Variants in KDM5B observed in about 807,000 individuals in gnomAD.
The protein encoded by KDM5B is lysine-specific demethylase 5B.
Under a neutral mutation model 193.4 loss-of-function variants are expected in KDM5B, and 144 were observed. The observed-to-expected ratio is 0.74, with a 90% confidence interval of 0.65 to 0.86. KDM5B has a LOEUF of 0.86. KDM5B is among the 40% of genes least tolerant of loss of function. KDM5B has a pLI of 0.00. For synonymous variants in KDM5B, 668 were observed against 682.6 expected, an observed-to-expected ratio of 0.98 and a Z score of 0.33; for missense variants, 1,833 against 1,886.9, an observed-to-expected ratio of 0.97 and a Z score of 0.53.
At chr1:202,760,240 A>C (rs1656194243) in intron 8 of KDM5B, among the ~76,000 whole-genome samples, 175 bp downstream of exon 8, 1 of 152,056 alleles carries the variant, frequency 6.6e-6, no homozygotes, top group South Asian at 2.1e-4. Flanking sequence ...TGCTTGAGCC[A>C]GGGAGGTTGA....
chr1:202,728,324 GAGA>G lies in KDM5B; in HGVS notation c.*709_*711del, dbSNP rs1349878074. On this transcript the variant is annotated 3_prime_UTR_variant, in exon 27 of 27. Coordinates refer to ENST00000367265, the MANE Select transcript of KDM5B (RefSeq NM_006618.5). ...AATACAGCTGTGGCAATTACTTACAGAGAAGTCTCTTTTCTACATCACTAGTTC... is the reference window on the plus strand; with the variant it reads ...AATACAGCTGTGGCAATTACTTACAGAGTCTCTTTTCTACATCACTAGTTC... 30 of 152,682 alleles carry G rather than the reference GAGA, an allele frequency of 2.0e-4. No homozygotes were observed. Among genetic ancestry groups the G allele is most frequent in the African/African-American group, 7.0e-4 (29 of 41,464 alleles). 9.5% of individuals were successfully genotyped at this position (152,682 alleles called of 1,614,324 possible).
chr1:202,778,220 C>G (rs1185693659), intron 1 of KDM5B, among the ~76,000 whole-genome samples: 1 of 151,958 alleles, frequency 6.6e-6, no homozygotes, highest in Non-Finnish European at 1.5e-5. Flanking sequence ...GTATAGACAA[C>G]TGTTCTCTAG....
intron 1 of KDM5B, among the ~76,000 whole-genome samples, chr1:202,792,236 G>A (rs1286289509): frequency 6.7e-6 from 1 of 150,260 alleles, no homozygotes; most frequent in African/African-American, 2.4e-5. Context: ...AGGGATTTTG[G>A]TGTTTAGATT....
At chr1:202,757,700 A>G (rs1360518675) in intron 9 of KDM5B, among the ~76,000 whole-genome samples, 1 of 152,222 alleles carries the variant, frequency 6.6e-6, no homozygotes, top group Admixed American at 6.5e-5. Context: ...ATTCACTCAT[A>G]TATTGCTGGG....
chr1:202,780,647 A>G (rs1189932488), intron 1 of KDM5B, among the ~76,000 whole-genome samples: 1 of 152,220 alleles, frequency 6.6e-6, no homozygotes, highest in Non-Finnish European at 1.5e-5. Flanking sequence ...TCTACAACCA[A>G]CAATAAAATA....
rs1141108 is a variant in KDM5B at position 202,746,156 on chromosome 1, G to A, written c.2184C>T (p.Tyr728=). ...HVKELCSCPP[Y]KYKLRYRYTL... ...TTCCTACTTACCGCAATTTATATTT[G>A]TAAGGAGGACAGGAACACAATTCTT... is the stretch of plus-strand genomic sequence containing the variant. Residue 728 remains tyrosine (Y), a synonymous_variant, in exon 15 of 27, where the codon TAC becomes TAT. Coordinates refer to ENST00000367265, the MANE Select transcript of KDM5B (RefSeq NM_006618.5). 1,216,141 of 1,606,888 alleles carry A rather than the reference G, an allele frequency of 0.76. 467,241 individuals carry two copies. Among genetic ancestry groups the A allele is most frequent in the Admixed American group, 0.84 (48,683 of 57,906 alleles).
chr1:202,797,463 A>G (rs796478084), intron 1 of KDM5B, among the ~76,000 whole-genome samples: 17 of 152,312 alleles, frequency 1.1e-4, no homozygotes, highest in African/African-American at 4.1e-4. Context: ...CCTTAAGTCT[A>G]AATATAATTA....
intron 1 of KDM5B, among the ~76,000 whole-genome samples, chr1:202,778,677 C>T (rs12123822): frequency 0.61 from 93,175 of 152,056 alleles, 31,455 homozygotes; most frequent in Middle Eastern, 0.77. Flanking sequence ...GGCTGGAGTA[C>T]AATGACGTGA....
intron 13 of KDM5B, 91 bp from the exon 14 acceptor site, chr1:202,749,230 CACACTATGGGTCTTA>C (rs1461448912): frequency 4.3e-6 from 5 of 1,149,906 alleles, no homozygotes; most frequent in Non-Finnish European, 3.7e-6. Context: ...TACCAAACAT[CACACTATGGGTCTTA>C]ACACGTATCA....
chr1:202,797,608 C>T (rs375370737), intron 1 of KDM5B, among the ~76,000 whole-genome samples: 1 of 152,122 alleles, frequency 6.6e-6, no homozygotes, highest in African/African-American at 2.4e-5. Context: ...AGGATAATTG[C>T]AAAATTACTA....
chr1:202,747,490 T>G (rs545370777), intron 14 of KDM5B, among the ~76,000 whole-genome samples: 3 of 151,218 alleles, frequency 2.0e-5, no homozygotes, highest in South Asian at 2.1e-4. Flanking sequence ...GAGGGTAAGG[T>G]AGGTAACCTG....
rs367843628 is a variant in KDM5B, at chr1:202,800,018, A to G, written c.204+8084T>C. Among the ~76,000 whole-genome samples the G allele has an allele frequency of 1.1e-4, 17 of 152,296 alleles. 1 individual carries two copies. The highest frequency in any genetic ancestry group is 6.5e-4 in the Admixed American group (10 of 15,292). ...GACTCTTCAAATTCTCATTTCCCTA[A>G]AACTTCTTTTCCAGAAAGGGACTTT... On this transcript the variant is annotated intron_variant, in intron 1 of 26. Transcript: ENST00000367265.
intron 3 of KDM5B, 45 bp from the exon 4 acceptor site, chr1:202,773,333 C>T: frequency 1.3e-6 from 2 of 1,522,242 alleles, no homozygotes; most frequent in Non-Finnish European, 1.8e-6. Context: ...GAAGTCACTT[C>T]TAATCACATC....
intron 1 of KDM5B, among the ~76,000 whole-genome samples, chr1:202,793,037 A>G (rs1455814609): frequency 6.6e-6 from 1 of 152,022 alleles, no homozygotes; most frequent in African/African-American, 2.4e-5. Context: ...GGGGAGATGA[A>G]AGAGAGAAGC....
In KDM5B at chr1:202,736,261, A is replaced by G. The variant is rs748757733; in HGVS notation, c.3216T>C (p.Cys1072=). ...TCTCAGTCAAGAATGTATTAACAGCACATTCTTTCCAAGCCTGAACCTCAG... is the reference window on the plus strand; with the variant it reads ...TCTCAGTCAAGAATGTATTAACAGCGCATTCTTTCCAAGCCTGAACCTCAG... The part of the protein sequence containing the change: ...LVAEVQAWKE[C]AVNTFLTENS... The change falls in exon 21 of 27, where the codon TGT becomes TGC. Residue 1072 remains cysteine (C), a synonymous_variant. Transcript: ENST00000367265. 8.1e-6 allele frequency: 13 copies of G among 1,608,804 alleles called. No individual in the cohort carries two copies. Among genetic ancestry groups the G allele is most frequent in the Admixed American group, 3.4e-5 (2 of 58,950 alleles).
chr1:202,751,553 T>C (rs969953055), intron 12 of KDM5B, among the ~76,000 whole-genome samples: 3 of 152,128 alleles, frequency 2.0e-5, no homozygotes, highest in Non-Finnish European at 4.4e-5. Flanking sequence ...TACTTCCTCC[T>C]TCCCTGACTC....
chr1:202,791,440 A>G (rs1657637738), intron 1 of KDM5B, among the ~76,000 whole-genome samples: 1 of 152,176 alleles, frequency 6.6e-6, no homozygotes, highest in Non-Finnish European at 1.5e-5. Flanking sequence ...TTAGCTTCCT[A>G]ACAACACATT....
chr1:202,771,432 G>A (rs1487515348), intron 4 of KDM5B, among the ~76,000 whole-genome samples: 2 of 150,524 alleles, frequency 1.3e-5, no homozygotes, highest in East Asian at 3.9e-4. Context: ...GTAAATGCGG[G>A]GTTTTGCCAT....
chr1:202,730,517 C>A (rs1248838267), intron 25 of KDM5B, among the ~76,000 whole-genome samples: 2 of 152,144 alleles, frequency 1.3e-5, no homozygotes, highest in Non-Finnish European at 2.9e-5. Context: ...ATGATTGTGC[C>A]ATACTACTTG....
Sources: gnomAD v4.1 joint callset for allele counts (sites outside exome capture counted in the v4.1 genomes callset) on GRCh38, gnomAD v4.1.1 for gene constraint, MANE v1.5 for transcripts, NCBI Gene and HGNC (gene_info 2026-07-23, HGNC 2026-07-21) for gene names.